The following NCOA1 variants were observed in gnomAD, a reference collection of about 807,000 sequenced individuals.
The protein encoded by NCOA1 is Hin-2 protein.
NCOA1 carries 35 observed loss-of-function variants against 150.9 expected under a neutral mutation model. The ratio of observed to expected loss-of-function variants is 0.23; its 90% CI spans 0.18 to 0.31. The LOEUF is 0.31. NCOA1 is among the 10% of genes least tolerant of loss of function. NCOA1 has a pLI of 1.00. For missense variants in NCOA1, 1,491 were observed against 1,749.3 expected (o/e 0.85, Z 2.63); for synonymous variants, 590 against 630.0 (o/e 0.94, Z 0.95).
At chr2:24,610,907 T>A (rs1572488006) in intron 3 of NCOA1, among the ~76,000 whole-genome samples, 2 of 152,034 alleles carry the variant, frequency 1.3e-5, no homozygotes, top group South Asian at 4.1e-4. Context: ...GAGTTAGGGG[T>A]CTATGAACAT....
In NCOA1 at chr2:24,713,004, G is replaced by A. The variant is rs528883660; in HGVS notation, c.2599+1893G>A. On this transcript the variant is annotated intron_variant, in intron 14 of 22. Coordinates refer to ENST00000348332, the MANE Select transcript of NCOA1 (RefSeq NM_003743.5). ...TGCACTTTGGGAGGCTGAGGCAAGC[G>A]GATCACCTGAGGTCAGGAGTTCAAG... is the stretch of plus-strand genomic sequence containing the variant. Among the ~76,000 whole-genome samples the A allele has an allele frequency of 1.3e-4, 20 of 152,138 alleles. 1 individual carries two copies. Among genetic ancestry groups the A allele is most frequent in the Middle Eastern group, 3.4e-3 (1 of 294 alleles).
At chr2:24,741,462 A>C (rs1345375664) in intron 18 of NCOA1, among the ~76,000 whole-genome samples, 1 of 152,200 alleles carries the variant, frequency 6.6e-6, no homozygotes, top group Non-Finnish European at 1.5e-5. Flanking sequence ...CCAATATTAT[A>C]ATACTAATCA....
chr2:24,765,379 GTC>G (rs1665008232), intron 22 of NCOA1, among the ~76,000 whole-genome samples: 1 of 151,904 alleles, frequency 6.6e-6, no homozygotes, highest in African/African-American at 2.4e-5. Flanking sequence ...GGCGCCTGTA[GTC>G]TCAGCTACTC....
At chr2:24,652,311 C>T (rs1021950755) in intron 4 of NCOA1, among the ~76,000 whole-genome samples, 4 of 152,022 alleles carry the variant, frequency 2.6e-5, no homozygotes, top group Admixed American at 1.3e-4. Flanking sequence ...AAGACCCTTA[C>T]GTGTCTTAGG....
intron 7 of NCOA1, among the ~76,000 whole-genome samples, chr2:24,680,992 T>C (rs1427348889): frequency 6.6e-6 from 1 of 152,046 alleles, no homozygotes; most frequent in African/African-American, 2.4e-5. Flanking sequence ...GAGGTTTTTA[T>C]TGACCTTCCA....
intron 3 of NCOA1, among the ~76,000 whole-genome samples, chr2:24,590,041 C>G (rs1667587908): frequency 6.6e-6 from 1 of 152,204 alleles, no homozygotes; most frequent in Non-Finnish European, 1.5e-5. Context: ...TATAATCCTA[C>G]TCTTTTCAAT....
intron 14 of NCOA1, among the ~76,000 whole-genome samples, chr2:24,721,428 T>C (rs1012306388): frequency 3.9e-5 from 6 of 152,228 alleles, no homozygotes; most frequent in African/African-American, 1.4e-4. Flanking sequence ...ATCTAGAATT[T>C]TAAAATACTG....
intron 3 of NCOA1, among the ~76,000 whole-genome samples, chr2:24,642,089 G>A (rs1388788004): frequency 1.3e-5 from 2 of 150,500 alleles, no homozygotes; most frequent in Non-Finnish European, 3.0e-5. Flanking sequence ...TATAGTAGGG[G>A]TATGTGTGGT....
At chr2:24,657,068 T>C (rs1343897655) in intron 4 of NCOA1, among the ~76,000 whole-genome samples, 1 of 152,264 alleles carries the variant, frequency 6.6e-6, no homozygotes, top group African/African-American at 2.4e-5. Context: ...ATGGCTACGC[T>C]AATTTACATT....
At chr2:24,539,003 C>A (rs1293062775) in intron 1 of NCOA1, among the ~76,000 whole-genome samples, 2 of 152,142 alleles carry the variant, frequency 1.3e-5, no homozygotes, top group Non-Finnish European at 2.9e-5. Flanking sequence ...AAAGACCTGT[C>A]CCCCTAATAA....
At chr2:24,547,428 A>G (rs749199565) in intron 1 of NCOA1, among the ~76,000 whole-genome samples, 2 of 152,178 alleles carry the variant, frequency 1.3e-5, no homozygotes, top group Non-Finnish European at 2.9e-5. Context: ...AATTGCAGCT[A>G]TATTATGAGA....
At chr2:24,654,757 AT>A (rs1670854536) in intron 4 of NCOA1, among the ~76,000 whole-genome samples, 1 of 151,152 alleles carries the variant, frequency 6.6e-6, no homozygotes, top group Admixed American at 6.6e-5. Context: ...TTACTCCCCC[AT>A]CCCCCAGGTT....
chr2:24,669,137 C>T (rs1294043304), intron 6 of NCOA1, among the ~76,000 whole-genome samples: 1 of 151,954 alleles, frequency 6.6e-6, no homozygotes, highest in Non-Finnish European at 1.5e-5. Context: ...CTAACATGGA[C>T]AAAATCAGGT....
chr2:24,619,397 C>T (rs1003878574), intron 3 of NCOA1, among the ~76,000 whole-genome samples: 10 of 152,220 alleles, frequency 6.6e-5, no homozygotes, highest in Admixed American at 1.3e-4. Flanking sequence ...AGTGAATCTA[C>T]TACCAATAGT....
At chr2:24,602,446 C>G (rs1161159468) in intron 3 of NCOA1, among the ~76,000 whole-genome samples, 1 of 152,140 alleles carries the variant, frequency 6.6e-6, no homozygotes, top group African/African-American at 2.4e-5. Flanking sequence ...AGCAATCTGC[C>G]TACCTCAGCC....
At chr2:24,521,052 G>C (rs1664397548) in intron 1 of NCOA1, among the ~76,000 whole-genome samples, 1 of 151,468 alleles carries the variant, frequency 6.6e-6, no homozygotes, top group African/African-American at 2.4e-5. Flanking sequence ...ACTCCTTCAG[G>C]TCTTTGCTCA....
intron 2 of NCOA1, among the ~76,000 whole-genome samples, chr2:24,579,378 A>G (rs1667111329): frequency 6.6e-6 from 1 of 152,160 alleles, no homozygotes; most frequent in African/African-American, 2.4e-5. Context: ...ACGAGGTAGG[A>G]CTTTATTCTT....
At chr2:24,569,870 A>G (rs1376813700) in intron 2 of NCOA1, among the ~76,000 whole-genome samples, 1 of 143,936 alleles carries the variant, frequency 6.9e-6, no homozygotes, top group Non-Finnish European at 1.5e-5. Context: ...ACTCCGTCTG[A>G]AAAAAAAAAA....
intron 2 of NCOA1, among the ~76,000 whole-genome samples, chr2:24,576,163 GTTTTTTGTTTTTTTT>G (rs1666964034): frequency 3.7e-4 from 34 of 92,738 alleles, no homozygotes; most frequent in African/African-American, 1.5e-3. Flanking sequence ...TTTTTTTTTT[GTTTTTTGTTTTTTTT>G]TTTTTTTTTT....
Sources: allele counts gnomAD v4.1 joint callset (sites outside exome capture counted in the v4.1 genomes callset), GRCh38; gene constraint gnomAD v4.1.1; transcripts MANE v1.5; gene names NCBI Gene and HGNC (gene_info 2026-07-23, HGNC 2026-07-21).